The following RUNX3 variants were observed in gnomAD, a reference collection of about 807,000 sequenced individuals.
RUNX3 encodes the protein runt-related transcription factor 3.
In RUNX3, 10 loss-of-function variants were observed where a neutral mutation model predicts 27.7. The ratio of observed to expected loss-of-function variants is 0.36; its 90% CI spans 0.22 to 0.61. The LOEUF is 0.61. Among genes scored for constraint, RUNX3 ranks in the 20% least tolerant of loss-of-function variants. The pLI, the probability that RUNX3 is intolerant of heterozygous loss-of-function variation, is 0.72. For missense variants in RUNX3, 469 were observed against 629.5 expected (o/e 0.75, Z 2.73); for synonymous variants, 270 against 269.2 (o/e 1.00, Z -0.03).
chr1:24,917,275 C>A lies in RUNX3; in HGVS notation c.544+1965G>T, dbSNP rs544268334. On this transcript the variant is annotated intron_variant, in intron 3 of 4. Transcript: ENST00000308873. ...TCCATGCTGACCCTGCCCCTGGAGA[C>A]ATAGGGCAGGGCTGCCACCTCCTTC... 4.0e-3 allele frequency among the ~76,000 whole-genome samples: 607 copies of A among 152,298 alleles called. 5 individuals are homozygous for A. The highest frequency in any genetic ancestry group is 0.014 in the African/African-American group (566 of 41,552).
At chr1:24,942,367 G>T (rs1641499362) in intron 2 of RUNX3, among the ~76,000 whole-genome samples, 1 of 152,176 alleles carries the variant, frequency 6.6e-6, no homozygotes, top group Non-Finnish European at 1.5e-5. Flanking sequence ...GCAGACAGAA[G>T]ACAGACAAGG....
At chr1:24,958,817 C>T (rs1485432388) in intron 2 of RUNX3, among the ~76,000 whole-genome samples, 1 of 152,192 alleles carries the variant, frequency 6.6e-6, no homozygotes, top group Admixed American at 6.5e-5. Context: ...GCACTGACTC[C>T]TAGCAGAGGG....
intron 2 of RUNX3, among the ~76,000 whole-genome samples, chr1:24,926,724 T>G (rs919100312): frequency 7.2e-5 from 11 of 152,162 alleles, no homozygotes; most frequent in African/African-American, 2.4e-4. Flanking sequence ...GAACCCAGCT[T>G]ACTTCTTAAC....
chr1:24,903,035 C>T (rs1640593957), intron 4 of RUNX3, among the ~76,000 whole-genome samples: 1 of 152,180 alleles, frequency 6.6e-6, no homozygotes, highest in Non-Finnish European at 1.5e-5. Flanking sequence ...TCCCAGCAGC[C>T]CTGCCCAGGC....
chr1:24,918,305 G>A (rs890297928), intron 3 of RUNX3, among the ~76,000 whole-genome samples: 2 of 152,178 alleles, frequency 1.3e-5, no homozygotes, highest in African/African-American at 4.8e-5. Context: ...AGCCTGGGGC[G>A]CCTTCCTGCT....
At chr1:24,911,386 G>A (rs1375679599) in intron 3 of RUNX3, among the ~76,000 whole-genome samples, 3 of 152,208 alleles carry the variant, frequency 2.0e-5, no homozygotes, top group Admixed American at 1.3e-4. Context: ...GGAAGAGGGC[G>A]GGGTTGACAG....
chr1:24,940,486 A>G (rs1641451179), intron 2 of RUNX3, among the ~76,000 whole-genome samples: 2 of 152,228 alleles, frequency 1.3e-5, no homozygotes, highest in Non-Finnish European at 2.9e-5. Context: ...CAAGAGCTCC[A>G]GCAAGTCACA....
At chr1:24,935,576 G>A (rs925163153) in intron 2 of RUNX3, among the ~76,000 whole-genome samples, 3 of 152,188 alleles carry the variant, frequency 2.0e-5, no homozygotes, top group Non-Finnish European at 4.4e-5. Flanking sequence ...CAGAAAAACC[G>A]TCTCCATCGG....
chr1:24,930,317 C>T, upstream of RUNX3: 1 of 799,312 alleles, frequency 1.3e-6, no homozygotes, highest in East Asian at 1.3e-4. This position sits in a 1 kb window ranked among gnomAD's most constrained non-coding sequence, Gnocchi z 4.1. Context: ...CCCCCGGGGC[C>T]CGCGGGGCGG....
chr1:24,911,962 T>C (rs1640805003), intron 3 of RUNX3, among the ~76,000 whole-genome samples: 1 of 152,198 alleles, frequency 6.6e-6, no homozygotes, highest in Non-Finnish European at 1.5e-5. Flanking sequence ...TGTGGAACGC[T>C]GGAGCCACTG....
intron 2 of RUNX3, among the ~76,000 whole-genome samples, chr1:24,926,701 T>C (rs1487973533): frequency 6.6e-6 from 1 of 152,122 alleles, no homozygotes; most frequent in Non-Finnish European, 1.5e-5. Context: ...GCTGTGGAGT[T>C]GGGGAGCAGA....
chr1:24,905,653 G>C (rs143647859), intron 4 of RUNX3, among the ~76,000 whole-genome samples: 103 of 152,368 alleles, frequency 6.8e-4, no homozygotes, highest in African/African-American at 2.4e-3. Context: ...GCAGTGGATG[G>C]GCAGATGTGG....
At chr1:24,933,679 A>T (rs1447426774), upstream of RUNX3, among the ~76,000 whole-genome samples, 1 of 152,090 alleles carries the variant, frequency 6.6e-6, no homozygotes, top group Non-Finnish European at 1.5e-5. Flanking sequence ...GGTCTCGATG[A>T]TTGCCTGTCT....
At chr1:24,939,096 T>C (rs1345733749) in intron 2 of RUNX3, among the ~76,000 whole-genome samples, 1 of 152,076 alleles carries the variant, frequency 6.6e-6, no homozygotes, top group Non-Finnish European at 1.5e-5. Flanking sequence ...ATAATTTGGC[T>C]GGAAAATGAG....
At chr1:24,954,514 G>A (rs1641862359) in intron 2 of RUNX3, among the ~76,000 whole-genome samples, 1 of 152,188 alleles carries the variant, frequency 6.6e-6, no homozygotes, top group Non-Finnish European at 1.5e-5. Context: ...AGGGCCTCAT[G>A]CTTGGTTTCG....
At chr1:24,929,390 A>G (rs1395156695) in intron 1 of RUNX3, 197 bp downstream of exon 1, 1 of 710,064 alleles carries the variant, frequency 1.4e-6, no homozygotes, top group Admixed American at 2.0e-5. Flanking sequence ...GTTAAAAGTC[A>G]TTCCTGCAGG....
At chr1:24,935,397 C>A (rs894303626) in intron 2 of RUNX3, among the ~76,000 whole-genome samples, 1 of 152,218 alleles carries the variant, frequency 6.6e-6, no homozygotes, top group Non-Finnish European at 1.5e-5. Flanking sequence ...CTCCTCTCCA[C>A]CTCCCGCGGG....
rs1313958795 is a variant in RUNX3 at position 24,907,119 on chromosome 1, G to A, written c.703+140C>T. The A allele has an allele frequency of 7.3e-6, 6 of 820,636 alleles. No homozygotes were observed. In the South Asian group the frequency reaches 9.1e-5, roughly 12 times the overall value. The allele number at this position is 820,636 out of a possible 1,614,324, so 50.8% of individuals were successfully genotyped here. ...ACAGGAACCGTCTGCAGGTGCCAATGAGCACCAGCAGCTCCTCTACAAAAC... is the reference window on the plus strand; with the variant it reads ...ACAGGAACCGTCTGCAGGTGCCAATAAGCACCAGCAGCTCCTCTACAAAAC... On this transcript the variant is annotated intron_variant, in intron 4 of 4. Transcript: ENST00000308873.
At position 24,916,397 on chromosome 1, in the gene RUNX3, C is replaced by T. The variant is rs895817895; in HGVS notation, c.544+2843G>A. ...AGTGGCCCTCACTTCCCGCAGCCCC[C>T]GGGTCGGAGCCCCCAGGGTGTGCTG... On this transcript the variant is annotated intron_variant, in intron 3 of 4. Coordinates refer to ENST00000308873, the MANE Select transcript of RUNX3 (RefSeq NM_004350.3). This position sits in a 1 kb window ranked among gnomAD's most constrained non-coding sequence, Gnocchi z 4.8. 2.0e-5 allele frequency among the ~76,000 whole-genome samples: 3 copies of T among 152,304 alleles called. No individual in the cohort carries two copies. The highest frequency in any genetic ancestry group is 2.1e-4 in the South Asian group (1 of 4,824).
Sources: allele counts gnomAD v4.1 joint callset (sites outside exome capture counted in the v4.1 genomes callset), GRCh38; gene constraint gnomAD v4.1.1; non-coding constraint Gnocchi (gnomAD v3.1); transcripts MANE v1.5; gene names NCBI Gene and HGNC (gene_info 2026-07-23, HGNC 2026-07-21).